The following SCEL variants were observed in gnomAD, a reference collection of about 807,000 sequenced individuals.
SCEL encodes sciellin.
In SCEL, 113 loss-of-function variants were observed where a neutral mutation model predicts 117.6. That is an observed-to-expected ratio of 0.96 (90% CI 0.83 to 1.12). SCEL has a LOEUF of 1.12. SCEL is among the 50% of genes most tolerant of loss of function. SCEL has a pLI of 0.00. For synonymous variants in SCEL, 270 were observed against 256.2 expected (o/e 1.05, Z -0.51); for missense variants, 785 against 810.8 (o/e 0.97, Z 0.39).
intron 4 of SCEL, among the ~76,000 whole-genome samples, chr13:77,563,110 G>A (rs535169026): frequency 2.0e-5 from 3 of 151,938 alleles, no homozygotes; most frequent in East Asian, 1.9e-4. Context: ...CCTCTTTTCT[G>A]TTATTTTCTA....
intron 22 of SCEL, 85 bp downstream of exon 22, chr13:77,610,191 G>T (rs537540866): frequency 1.1e-6 from 1 of 942,698 alleles, no homozygotes; most frequent in Non-Finnish European, 1.6e-6. Flanking sequence ...GGTGGCTTAC[G>T]CCTGTAATCC....
At position 77,602,780 on chromosome 13, in the gene SCEL, G is replaced by A; in HGVS notation, c.1037+67G>A. The A allele has an allele frequency of 2.9e-6, 4 of 1,367,534 alleles. No individual in the cohort carries two copies. The South Asian group carries it at 4.8e-5, about 16-fold the overall frequency. The allele number at this position is 1,367,534 out of a possible 1,614,324, so 84.7% of individuals were successfully genotyped here. ...CTCATATTAATTATGTGATATTGAG[G>A]GCACCACATCTTTGTTTGGCTTCTC... On this transcript the variant is annotated intron_variant, in intron 17 of 32. Transcript: ENST00000349847.
At chr13:77,637,295 TATAA>T (rs1486321957) in intron 30 of SCEL, 101 bp downstream of exon 30, 3 of 192,500 alleles carry the variant, frequency 1.6e-5, no homozygotes, top group Non-Finnish European at 3.0e-5. Context: ...CACACATATA[TATAA>T]ATATATATAC....
intron 30 of SCEL, 66 bp downstream of exon 30, chr13:77,637,260 A>C (rs1007730280): frequency 4.5e-6 from 2 of 443,446 alleles, no homozygotes; most frequent in Non-Finnish European, 7.9e-6. Context: ...ACATATATAT[A>C]TATATATACA....
At chr13:77,618,271 C>T (rs1281968599) in intron 27 of SCEL, among the ~76,000 whole-genome samples, 1 of 152,034 alleles carries the variant, frequency 6.6e-6, no homozygotes, top group Non-Finnish European at 1.5e-5. Context: ...GACTCAAAAT[C>T]CTGGGTTCAG....
chr13:77,566,219 TG>T (rs1289482807), intron 5 of SCEL, among the ~76,000 whole-genome samples: 1 of 152,160 alleles, frequency 6.6e-6, no homozygotes, highest in Non-Finnish European at 1.5e-5. Context: ...TATATGACAT[TG>T]GATCCCAGTG....
intron 3 of SCEL, among the ~76,000 whole-genome samples, chr13:77,557,365 G>C (rs981658570): frequency 5.9e-5 from 9 of 152,098 alleles, no homozygotes; most frequent in Non-Finnish European, 1.3e-4. Context: ...CCAGCAATAG[G>C]TATTTGTCCG....
intron 4 of SCEL, among the ~76,000 whole-genome samples, chr13:77,561,068 C>T (rs1312623415): frequency 6.6e-6 from 1 of 152,168 alleles, no homozygotes; most frequent in African/African-American, 2.4e-5. Context: ...TGTGATCTGG[C>T]AGACTCTCTG....
chr13:77,587,545 C>T (rs1208033483), intron 9 of SCEL, among the ~76,000 whole-genome samples: 1 of 151,800 alleles, frequency 6.6e-6, no homozygotes, highest in African/African-American at 2.4e-5. Context: ...TTTTCTTTTC[C>T]CACCATCGTT....
chr13:77,643,779 AT>A (rs138244618), intron 32 of SCEL, among the ~76,000 whole-genome samples: 3,900 of 152,226 alleles, frequency 0.026, 164 homozygotes, highest in East Asian at 0.13. Context: ...ACCTAATTAT[AT>A]TCATACTTTG....
intron 9 of SCEL, among the ~76,000 whole-genome samples, chr13:77,572,585 G>A (rs1347284910): frequency 6.6e-6 from 1 of 152,112 alleles, no homozygotes; most frequent in Admixed American, 6.5e-5. Flanking sequence ...AGGACTGTTA[G>A]GGCTCCCCTA....
At position 77,618,071 on chromosome 13, in the gene SCEL, T is replaced by TAG; in HGVS notation, c.1628+11_1628+12insAG. On this transcript the variant is annotated intron_variant, in intron 27 of 32. Transcript: ENST00000349847. ...TAGAAACACTAATCGGTAAATGACC[T>TAG]TGACTATCTTGACATGTTTACAAGT... 6.2e-7 allele frequency: 1 copy of TAG among 1,601,794 alleles called. No homozygotes were observed. The highest frequency in any genetic ancestry group is 8.6e-7 in the Non-Finnish European group (1 of 1,168,800).
chr13:77,543,175 C>T (rs1306833391), intron 1 of SCEL, among the ~76,000 whole-genome samples: 1 of 150,874 alleles, frequency 6.6e-6, no homozygotes, highest in African/African-American at 2.4e-5. Context: ...GCTCCGCCTC[C>T]CGGGTTCACG....
At chr13:77,602,272 T>C in intron 16 of SCEL, 148 bp downstream of exon 16, 1 of 581,252 alleles carries the variant, frequency 1.7e-6, no homozygotes, top group Non-Finnish European at 2.9e-6. Flanking sequence ...AAGGAATATG[T>C]TGAGTGCTGT....
rs534621621 is a variant in SCEL, at chr13:77,619,478, G to A, written c.1628+1418G>A. Among the ~76,000 whole-genome samples the A allele has an allele frequency of 7.9e-5, 12 of 152,280 alleles. 1 individual carries two copies. Among genetic ancestry groups the A allele is most frequent in the African/African-American group, 2.9e-4 (12 of 41,570 alleles). ...CTAGAGGAAAAACAAAGGATCTGTG[G>A]TTAAATCAGCTCAGACTCTCTTCTT... On this transcript the variant is annotated intron_variant, in intron 27 of 32. Transcript: ENST00000349847.
Position 77,619,619 on chromosome 13 carries a change from CACTT to C in SCEL, c.1628+1560_1628+1563del, listed in dbSNP as rs143586071. Among the ~76,000 whole-genome samples, 1,331 of 152,276 alleles carry C rather than the reference CACTT, an allele frequency of 8.7e-3. 29 individuals are homozygous for C. The highest frequency in any genetic ancestry group is 0.03 in the African/African-American group (1,252 of 41,554). On this transcript the variant is annotated intron_variant, in intron 27 of 32. Transcript: ENST00000349847. ...TTAAAATGACAGTGAGGAAAGAAAA[CACTT>C]GCTGCATGCGGATTTTCTAAAAGCT...
intron 1 of SCEL, among the ~76,000 whole-genome samples, chr13:77,547,010 G>A (rs1457194873): frequency 3.9e-5 from 6 of 152,158 alleles, no homozygotes; most frequent in Non-Finnish European, 8.8e-5. Flanking sequence ...CTACAAATGT[G>A]TCACTGCTAG....
Position 77,555,885 on chromosome 13 carries a change from GT to G in SCEL, c.12del (p.Thr5ProfsTer2). MSN[V>X]TLRKMSPTGN... ...CTTACTGGAAGGCAGCATGTCCAAT[GT>G]TACCTTGAGAAAAATGTCTCCCACA... On this transcript the variant is annotated frameshift_variant, in exon 2 of 33. Coordinates refer to ENST00000349847, the MANE Select transcript of SCEL (RefSeq NM_144777.3). LOFTEE classifies it high-confidence loss of function. The G allele has an allele frequency of 1.2e-6, 2 of 1,613,098 alleles. No individual in the cohort carries two copies. Among genetic ancestry groups the G allele is most frequent in the Non-Finnish European group, 1.7e-6 (2 of 1,179,234 alleles).
rs1447948101 is a variant in SCEL, at chr13:77,628,191, TC to T, written c.1691+183del. ...GTGTGTATATATATATATATATATATCATCCAAATACAAAAATTTACAAGGT... is the reference window on the plus strand; with the variant it reads ...GTGTGTATATATATATATATATATATATCCAAATACAAAAATTTACAAGGT... On this transcript the variant is annotated intron_variant, in intron 28 of 32. Transcript: ENST00000349847. Among the ~76,000 whole-genome samples the T allele has an allele frequency of 7.6e-5, 11 of 144,366 alleles. No homozygotes were observed. In the East Asian group the frequency reaches 1.2e-3, roughly 15 times the overall value. 94.7% of individuals were successfully genotyped at this position (144,366 alleles called of 152,430 possible).
Sources: allele counts gnomAD v4.1 joint callset (sites outside exome capture counted in the v4.1 genomes callset), GRCh38; gene constraint gnomAD v4.1.1; transcripts MANE v1.5; gene names NCBI Gene and HGNC (gene_info 2026-07-23, HGNC 2026-07-21).